The following IMMP2L variants were observed in gnomAD, a reference collection of about 807,000 sequenced individuals.
The protein encoded by IMMP2L is mitochondrial inner membrane protease subunit 2.
Under a neutral mutation model 19.3 loss-of-function variants are expected in IMMP2L, and 18 were observed. That is an observed-to-expected ratio of 0.93 (90% CI 0.64 to 1.38). The LOEUF (loss-of-function observed/expected upper bound fraction) is 1.38, where lower values mean the gene tolerates loss of function less well. IMMP2L is among the 40% of genes most tolerant of loss of function. The probability of loss-of-function intolerance (pLI) is 0.00; values close to 1 mark genes in which losing one functional copy is unlikely to be tolerated. For synonymous variants in IMMP2L, 76 were observed against 73.0 expected (o/e 1.04, Z -0.21); for missense variants, 233 against 218.2 (o/e 1.07, Z -0.43).
At chr7:111,560,969 G>A (rs1473137356) in intron 1 of IMMP2L, among the ~76,000 whole-genome samples, 1 of 152,156 alleles carries the variant, frequency 6.6e-6, no homozygotes, top group East Asian at 1.9e-4. Flanking sequence ...AAGAATCCAA[G>A]AATGCAGTTT....
chr7:110,768,230 G>A (rs537631303), intron 5 of IMMP2L, among the ~76,000 whole-genome samples: 109 of 150,158 alleles, frequency 7.3e-4, no homozygotes, highest in South Asian at 1.1e-3. Context: ...CGTGAAAAAC[G>A]GAAAGAAGAC....
intron 5 of IMMP2L, among the ~76,000 whole-genome samples, chr7:110,713,895 T>C (rs1393403468): frequency 6.6e-6 from 1 of 152,180 alleles, no homozygotes; most frequent in Non-Finnish European, 1.5e-5. Context: ...ACTTCTTCTT[T>C]TCCTATTTTG....
intron 5 of IMMP2L, among the ~76,000 whole-genome samples, chr7:110,733,296 A>AC (rs1173750011): frequency 6.6e-6 from 1 of 152,158 alleles, no homozygotes; most frequent in Non-Finnish European, 1.5e-5. Flanking sequence ...GTCAGTTATC[A>AC]CATGTAGAAT....
chr7:111,031,934 ATTTT>A (rs57560784), intron 3 of IMMP2L, among the ~76,000 whole-genome samples: 3 of 108,058 alleles, frequency 2.8e-5, no homozygotes, highest in Non-Finnish European at 1.8e-5. Context: ...AACACCAGAG[ATTTT>A]TTTTTTTTTT....
chr7:110,920,133 G>A (rs989208932), intron 4 of IMMP2L, among the ~76,000 whole-genome samples: 4 of 152,044 alleles, frequency 2.6e-5, no homozygotes, highest in Non-Finnish European at 5.9e-5. Flanking sequence ...TGAGGTTTTC[G>A]GACTCAGACT....
chr7:111,026,034 A>G (rs1826777137), intron 3 of IMMP2L, among the ~76,000 whole-genome samples: 1 of 152,096 alleles, frequency 6.6e-6, no homozygotes, highest in African/African-American at 2.4e-5. Context: ...ACACACACAC[A>G]CACAAATTAG....
chr7:110,859,741 C>A (rs1418114974), intron 5 of IMMP2L, among the ~76,000 whole-genome samples: 25 of 148,240 alleles, frequency 1.7e-4, no homozygotes, highest in Non-Finnish European at 3.3e-4. Context: ...CAGAGTGAGA[C>A]CCTGTCTCAA....
intron 3 of IMMP2L, among the ~76,000 whole-genome samples, chr7:111,267,152 A>T (rs969779577): frequency 6.6e-6 from 1 of 152,044 alleles, no homozygotes; most frequent in Non-Finnish European, 1.5e-5. Flanking sequence ...TATTTCCATA[A>T]ATTTTTATAG....
intron 3 of IMMP2L, among the ~76,000 whole-genome samples, chr7:111,304,467 C>T (rs376958240): frequency 6.6e-6 from 1 of 151,434 alleles, no homozygotes. Context: ...TAACGTTCAG[C>T]CATTTGTAGA....
chr7:110,795,515 T>C (rs926938025), intron 5 of IMMP2L, among the ~76,000 whole-genome samples: 1 of 152,068 alleles, frequency 6.6e-6, no homozygotes, highest in South Asian at 2.1e-4. Context: ...GTGCTGACAG[T>C]GCTTTTTACT....
chr7:110,840,701 A>G lies in IMMP2L; in HGVS notation c.408+45892T>C, dbSNP rs140933994. Among the ~76,000 whole-genome samples, 269 of 152,290 alleles carry G rather than the reference A, an allele frequency of 1.8e-3. 2 individuals carry two copies. Among genetic ancestry groups the G allele is most frequent in the African/African-American group, 5.7e-3 (235 of 41,590 alleles). The stretch of plus-strand genomic sequence containing the variant: ...ATATCTACCTTCCTATAATTTGTGT[A>G]TATGTAACATATTTGAAAGGGCAAT... On this transcript the variant is annotated intron_variant, in intron 5 of 5. Transcript: ENST00000405709.
intron 2 of IMMP2L, among the ~76,000 whole-genome samples, chr7:111,512,992 T>C (rs1037480346): frequency 6.6e-6 from 1 of 151,976 alleles, no homozygotes; most frequent in Non-Finnish European, 1.5e-5. Context: ...ACTGTAAAAC[T>C]ACCTGAAACT....
At chr7:111,133,480 AG>A (rs1802040551) in intron 3 of IMMP2L, among the ~76,000 whole-genome samples, 1 of 152,000 alleles carries the variant, frequency 6.6e-6, no homozygotes, top group Non-Finnish European at 1.5e-5. Flanking sequence ...GTAATGACAG[AG>A]TGCTAGGCAA....
intron 5 of IMMP2L, among the ~76,000 whole-genome samples, chr7:110,690,724 C>T (rs921654061): frequency 6.6e-6 from 1 of 151,468 alleles, no homozygotes; most frequent in Non-Finnish European, 1.5e-5. Context: ...AAAAACAAAC[C>T]AATAAACGAA....
chr7:111,485,935 T>C (rs1285170111), intron 3 of IMMP2L, among the ~76,000 whole-genome samples: 1 of 152,046 alleles, frequency 6.6e-6, no homozygotes, highest in Non-Finnish European at 1.5e-5. Flanking sequence ...CCTCTTTCAC[T>C]TGGGTGGGTA....
intron 5 of IMMP2L, among the ~76,000 whole-genome samples, chr7:110,817,051 C>T (rs377504057): frequency 6.6e-6 from 1 of 152,088 alleles, no homozygotes; most frequent in African/African-American, 2.4e-5. Flanking sequence ...GATGCAGTTT[C>T]TTCCTAGCCT....
chr7:111,303,186 TTTGA>T lies in IMMP2L; in HGVS notation c.239+184048_239+184051del, dbSNP rs538602260. Among the ~76,000 whole-genome samples, 169 of 152,172 alleles carry T rather than the reference TTTGA, an allele frequency of 1.1e-3. 1 individual carries two copies. The highest frequency in any genetic ancestry group is 3.8e-3 in the African/African-American group (159 of 41,476). Reference sequence around the variant, plus strand: ...TCTGCTCTAAGTATCCTCAAAGTGCTTTGATTTTTTTTCTCTAAGTGAGCTATAG... The same window carrying T: ...TCTGCTCTAAGTATCCTCAAAGTGCTTTTTTTTTCTCTAAGTGAGCTATAG... On this transcript the variant is annotated intron_variant, in intron 3 of 5. Transcript: ENST00000405709.
At chr7:111,481,024 C>A (rs987129716) in intron 3 of IMMP2L, among the ~76,000 whole-genome samples, 2 of 152,086 alleles carry the variant, frequency 1.3e-5, no homozygotes, top group African/African-American at 2.4e-5. Flanking sequence ...TTGCTCAAAT[C>A]TTTATGACTC....
intron 3 of IMMP2L, among the ~76,000 whole-genome samples, chr7:111,360,547 G>A (rs1829162101): frequency 6.6e-6 from 1 of 152,300 alleles, no homozygotes; most frequent in African/African-American, 2.4e-5. Flanking sequence ...CTGGGGCACA[G>A]TGGCTCTTGC....
Sources: gnomAD v4.1 joint callset for allele counts (sites outside exome capture counted in the v4.1 genomes callset) on GRCh38, gnomAD v4.1.1 for gene constraint, MANE v1.5 for transcripts, NCBI Gene and HGNC (gene_info 2026-07-23, HGNC 2026-07-21) for gene names.